TMX4: variants seen among roughly 807,000 people sequenced by gnomAD.
TMX4 encodes the protein thioredoxin-related transmembrane protein 4.
A neutral mutation model predicts 33.3 loss-of-function variants in TMX4; 23 were observed. The ratio of observed to expected loss-of-function variants is 0.69; its 90% CI spans 0.50 to 0.98. The LOEUF (loss-of-function observed/expected upper bound fraction) is 0.98. Among genes scored for constraint, TMX4 ranks in the 50% least tolerant of loss-of-function variants. The pLI is 0.00. For missense variants in TMX4, 399 were observed against 448.9 expected (o/e 0.89, Z 1.01); for synonymous variants, 164 against 161.5 (o/e 1.02, Z -0.12).
rs946686932 is a variant in TMX4, at chr20:7,982,004, C to T, written c.*247G>A. Reference sequence around the variant, plus strand: ...ACTCTCTGACCCCTAAGTAAATGAACTTGTTCCCATCCCAGTCTCCAAACA... The same window carrying T: ...ACTCTCTGACCCCTAAGTAAATGAATTTGTTCCCATCCCAGTCTCCAAACA... On this transcript the variant is annotated 3_prime_UTR_variant, in exon 8 of 8. Coordinates refer to ENST00000246024, the MANE Select transcript of TMX4 (RefSeq NM_021156.4). The T allele has an allele frequency of 5.9e-5, 27 of 459,432 alleles. No homozygotes were observed. Among genetic ancestry groups the T allele is most frequent in the African/African-American group, 4.5e-4 (23 of 50,842 alleles). The allele number at this position is 459,432 out of a possible 1,614,324, so 28.5% of individuals were successfully genotyped here. A position where few individuals can be genotyped will look rare whatever the true frequency, so the allele number is the denominator to read the frequency against.
intron 5 of TMX4, 82 bp downstream of exon 5, chr20:7,995,944 G>T: frequency 8.7e-7 from 1 of 1,147,860 alleles, no homozygotes; most frequent in Non-Finnish European, 1.3e-6. Flanking sequence ...ACTTATAAAT[G>T]TTTGTTTTCC....
At chr20:7,997,586 T>G (rs1387885414) in intron 4 of TMX4, among the ~76,000 whole-genome samples, 1 of 151,638 alleles carries the variant, frequency 6.6e-6, no homozygotes, top group Non-Finnish European at 1.5e-5. Context: ...CCACCTTATC[T>G]AAAAAAATTC....
At chr20:7,985,281 T>TA (rs1336388980) in intron 6 of TMX4, among the ~76,000 whole-genome samples, 2 of 142,608 alleles carry the variant, frequency 1.4e-5, no homozygotes, top group African/African-American at 2.5e-5. Context: ...ATATATATTT[T>TA]TTTTTTTTTT....
intron 5 of TMX4, among the ~76,000 whole-genome samples, chr20:7,994,148 T>G (rs2050666457): frequency 6.6e-6 from 1 of 152,136 alleles, no homozygotes; most frequent in Admixed American, 6.5e-5. Flanking sequence ...ATTACTTGTG[T>G]GCCAAATTTT....
chr20:8,014,743 T>C (rs771541065), intron 1 of TMX4, among the ~76,000 whole-genome samples: 11 of 152,160 alleles, frequency 7.2e-5, no homozygotes, highest in Non-Finnish European at 1.5e-4. Context: ...ACAGTAAAAA[T>C]GTTCTTTACT....
At chr20:8,009,867 A>C (rs998634048) in intron 2 of TMX4, among the ~76,000 whole-genome samples, 1 of 151,168 alleles carries the variant, frequency 6.6e-6, no homozygotes, top group Non-Finnish European at 1.5e-5. Flanking sequence ...ACTGTAAAAA[A>C]AAAAAAAAAA....
In TMX4 at chr20:7,983,956, C is replaced by T. The variant is rs570586514; in HGVS notation, c.616-99G>A. The T allele has an allele frequency of 8.8e-5, 69 of 780,700 alleles. 1 individual carries two copies. Among genetic ancestry groups the T allele is most frequent in the South Asian group, 7.7e-4 (44 of 57,260 alleles). The allele number at this position is 780,700 out of a possible 1,614,324, so 48.4% of individuals were successfully genotyped here. On this transcript the variant is annotated intron_variant, in intron 6 of 7. Transcript: ENST00000246024. ...GCTTCTATAATCAGATATTCTTAGACTAATAATTAGCAGCTAGTCAAAAGT... is the reference window on the plus strand; with the variant it reads ...GCTTCTATAATCAGATATTCTTAGATTAATAATTAGCAGCTAGTCAAAAGT...
At chr20:8,018,261 G>A (rs996009826) in intron 1 of TMX4, among the ~76,000 whole-genome samples, 3 of 141,552 alleles carry the variant, frequency 2.1e-5, no homozygotes, top group Non-Finnish European at 3.0e-5. Flanking sequence ...TTTATGTTTG[G>A]GGGGTGGGGG....
At chr20:8,009,547 TG>T (rs2050743807) in intron 2 of TMX4, among the ~76,000 whole-genome samples, 1 of 152,136 alleles carries the variant, frequency 6.6e-6, no homozygotes, top group Non-Finnish European at 1.5e-5. Context: ...GCATTACTAA[TG>T]GTGATAGCAT....
At position 7,980,902 on chromosome 20, in the gene TMX4, A is replaced by C. The variant is rs1360592875; in HGVS notation, c.*1349T>G. On this transcript the variant is annotated 3_prime_UTR_variant, in exon 8 of 8. Transcript: ENST00000246024. ...GCACGTTCCTTTTTAAAGACGACAGAAACTTTTAGAATTTCATAAACCTGT... is the reference window on the plus strand; with the variant it reads ...GCACGTTCCTTTTTAAAGACGACAGCAACTTTTAGAATTTCATAAACCTGT... 3 of 152,220 alleles carry C rather than the reference A, an allele frequency of 2.0e-5. No individual in the cohort carries two copies. In the East Asian group the frequency reaches 5.8e-4, roughly 29 times the overall value. 9.4% of individuals were successfully genotyped at this position (152,220 alleles called of 1,614,324 possible).
chr20:7,997,635 C>T (rs959065384), intron 4 of TMX4, among the ~76,000 whole-genome samples: 14 of 152,208 alleles, frequency 9.2e-5, no homozygotes, highest in African/African-American at 3.4e-4. Context: ...TACACCTGAC[C>T]CCAGCCAATA....
In TMX4 at chr20:7,978,015, T is replaced by C. The variant is rs777210545; in HGVS notation, c.*4236A>G. ...CCAAATTTGGCTTTTTAAGACAAGC[T>C]AAAATCTCCTCCAGAGAATCAAAAT... On this transcript the variant is annotated 3_prime_UTR_variant, in exon 8 of 8. Coordinates refer to ENST00000246024, the MANE Select transcript of TMX4 (RefSeq NM_021156.4). 3.3e-5 allele frequency: 5 copies of C among 152,230 alleles called. No homozygotes were observed. Among genetic ancestry groups the C allele is most frequent in the Non-Finnish European group, 2.9e-5 (2 of 68,038 alleles). The allele number at this position is 152,230 out of a possible 1,614,324, so 9.4% of individuals were successfully genotyped here. A position where few individuals can be genotyped will look rare whatever the true frequency, so the allele number is the denominator to read the frequency against.
At chr20:7,983,070 T>C (rs906008797) in intron 7 of TMX4, among the ~76,000 whole-genome samples, 9 of 152,190 alleles carry the variant, frequency 5.9e-5, no homozygotes, top group Admixed American at 5.2e-4. Context: ...CTCTTATGAA[T>C]AAGCCACACA....
chr20:8,018,519 AGAGAGAG>A lies in TMX4; in HGVS notation c.176+912_176+918del, dbSNP rs2050793118. On this transcript the variant is annotated intron_variant, in intron 1 of 7. Transcript: ENST00000246024. Reference sequence around the variant, plus strand: ...GAGAGAGAGAGAGAGAGAGAGAGAGAGAGAGAGAGTCTGCAAGCCCACCATGATGGTC... The same window carrying A: ...GAGAGAGAGAGAGAGAGAGAGAGAGAAGTCTGCAAGCCCACCATGATGGTC... Among the ~76,000 whole-genome samples, 2 of 129,352 alleles carry A rather than the reference AGAGAGAG, an allele frequency of 1.5e-5. 1 individual carries two copies. The highest frequency in any genetic ancestry group is 6.9e-5 in the African/African-American group (2 of 29,012). 84.9% of individuals were successfully genotyped at this position (129,352 alleles called of 152,430 possible).
chr20:7,991,885 A>C (rs976992727), intron 5 of TMX4, among the ~76,000 whole-genome samples: 1 of 151,396 alleles, frequency 6.6e-6, no homozygotes, highest in African/African-American at 2.4e-5. Context: ...TGAAACAATG[A>C]TGTGTTTCTG....
Position 8,019,504 on chromosome 20 carries a change from C to T in TMX4, c.110G>A (p.Ser37Asn). Residue 37 changes from serine to asparagine, a missense_variant, in exon 1 of 8, where the codon AGC becomes AAC. Physicochemically the swap from Ser to Asn is conservative, Grantham distance 46 (BLOSUM62 1). Coordinates refer to ENST00000246024, the MANE Select transcript of TMX4 (RefSeq NM_021156.4). ...GGAGGCGGTCATGGGCTGGACCCGG[C>T]TCTGCTCCGGCGGCAGCGCGGCCTC... is the stretch of plus-strand genomic sequence containing the variant. ...PEEAALPPEQ[S>N]RVQPMTASNW... 1 of 1,503,334 alleles carries T rather than the reference C, an allele frequency of 6.7e-7. No individual in the cohort carries two copies. Among genetic ancestry groups the T allele is most frequent in the Non-Finnish European group, 8.9e-7 (1 of 1,126,610 alleles). 93.1% of individuals were successfully genotyped at this position (1,503,334 alleles called of 1,614,324 possible).
chr20:8,007,088 G>GT (rs1363526399), intron 2 of TMX4, among the ~76,000 whole-genome samples: 1 of 152,064 alleles, frequency 6.6e-6, no homozygotes, highest in Non-Finnish European at 1.5e-5. Context: ...TTTTCTAAAT[G>GT]TTGCAGTGGC....
Position 7,983,322 on chromosome 20 carries a change from A to G in TMX4, c.679+472T>C, listed in dbSNP as rs796330073. Among the ~76,000 whole-genome samples, 26 of 152,348 alleles carry G rather than the reference A, an allele frequency of 1.7e-4. 1 individual carries two copies. The highest frequency in any genetic ancestry group is 6.0e-4 in the African/African-American group (25 of 41,584). On this transcript the variant is annotated intron_variant, in intron 7 of 7. Transcript: ENST00000246024. ...TTAAACTCCCACATAAAATTCAACA[A>G]TTAGAAAGTCTCATGAACATCTTTA...
At chr20:7,999,960 T>C (rs1600144292) in intron 3 of TMX4, 100 bp from the exon 4 acceptor site, 5 of 1,279,174 alleles carry the variant, frequency 3.9e-6, no homozygotes, top group African/African-American at 1.5e-5. Flanking sequence ...CTGAACGCCA[T>C]CTGAACTTTA....
Sources: gnomAD v4.1 joint callset for allele counts (sites outside exome capture counted in the v4.1 genomes callset) on GRCh38, gnomAD v4.1.1 for gene constraint, MANE v1.5 for transcripts, NCBI Gene and HGNC (gene_info 2026-07-23, HGNC 2026-07-21) for gene names.